Variants in SNTA1 observed in about 807,000 individuals in gnomAD.
The protein encoded by SNTA1 is alpha-1-syntrophin.
A neutral mutation model predicts 47.1 loss-of-function variants in SNTA1; 31 were observed. That is an observed-to-expected ratio of 0.66 (90% confidence interval 0.49 to 0.89). The LOEUF (loss-of-function observed/expected upper bound fraction) is 0.89. Ranked by LOEUF, SNTA1 falls within the 40% of genes least tolerant of loss-of-function variation. The probability of loss-of-function intolerance (pLI) is 0.00; values close to 1 mark genes in which losing one functional copy is unlikely to be tolerated. For synonymous variants in SNTA1, 300 were observed against 313.6 expected (o/e 0.96, Z 0.46); for missense variants, 575 against 693.0 (o/e 0.83, Z 1.91).
Position 33,408,464 on chromosome 20 carries a change from T to C in SNTA1, c.*43A>G. The C allele has an allele frequency of 7.2e-7, 1 of 1,393,838 alleles. No homozygotes were observed. The highest frequency in any genetic ancestry group is 1.0e-6 in the Non-Finnish European group (1 of 979,898). The allele number at this position is 1,393,838 out of a possible 1,614,324, so 86.3% of individuals were successfully genotyped here. On this transcript the variant is annotated 3_prime_UTR_variant, in exon 8 of 8. Transcript: ENST00000217381. ...GTCGGTGGAGGCCCAGCTCAGGCCA[T>C]GTCATGGACACCCCTCTTCAGGGCT...
intron 2 of SNTA1, among the ~76,000 whole-genome samples, chr20:33,429,339 A>G (rs1990240003): frequency 7.0e-6 from 1 of 142,588 alleles, no homozygotes; most frequent in South Asian, 2.3e-4. Context: ...CCACCTAAAA[A>G]AAAAAAAAAA....
intron 2 of SNTA1, among the ~76,000 whole-genome samples, chr20:33,418,151 C>T (rs1352907977): frequency 2.0e-5 from 3 of 151,876 alleles, no homozygotes; most frequent in African/African-American, 7.3e-5. Context: ...AGATAGGGCC[C>T]GCCTATATCC....
chr20:33,434,964 C>T (rs534107524), intron 2 of SNTA1, among the ~76,000 whole-genome samples: 2 of 141,342 alleles, frequency 1.4e-5, no homozygotes, highest in Admixed American at 1.5e-4. Context: ...GCAGAGCAGA[C>T]AGGATTTCAG....
At chr20:33,418,489 A>G (rs1253361373) in intron 2 of SNTA1, among the ~76,000 whole-genome samples, 1 of 152,012 alleles carries the variant, frequency 6.6e-6, no homozygotes, top group Non-Finnish European at 1.5e-5. Context: ...GTATACAAGA[A>G]GGTGGTTACA....
At chr20:33,421,354 G>A (rs1440452073) in intron 2 of SNTA1, among the ~76,000 whole-genome samples, 1 of 152,206 alleles carries the variant, frequency 6.6e-6, no homozygotes, top group African/African-American at 2.4e-5. Flanking sequence ...GCTCACGCCT[G>A]TAATCCCAGC....
rs1989708605 is a variant in SNTA1, at chr20:33,410,283, C to T, written c.1089G>A (p.Glu363=). Residue 363 remains glutamate, a synonymous_variant, in exon 6 of 8, where the codon GAG becomes GAA. Coordinates refer to ENST00000217381, the MANE Select transcript of SNTA1 (RefSeq NM_003098.3). ...TGCCCGTGCGCAGGGCAAAAGAGAGCTCTGCATCGTAGGGCACTGAGCCCT... is the reference window on the plus strand; with the variant it reads ...TGCCCGTGCGCAGGGCAAAAGAGAGTTCTGCATCGTAGGGCACTGAGCCCT... ...PSKGSVPYDA[E]LSFALRTGTR... is the part of the protein sequence containing the mutation. 3 of 1,611,752 alleles carry T rather than the reference C, an allele frequency of 1.9e-6. No homozygotes were observed. The highest frequency in any genetic ancestry group is 2.5e-6 in the Non-Finnish European group (3 of 1,179,530).
intron 2 of SNTA1, among the ~76,000 whole-genome samples, chr20:33,434,982 CTTTTTTTTT>C (rs11475592): frequency 1.8e-5 from 1 of 55,186 alleles, no homozygotes; most frequent in Non-Finnish European, 3.3e-5. Context: ...CAGGCACCAG[CTTTTTTTTT>C]TTTTTTTTTT....
intron 2 of SNTA1, among the ~76,000 whole-genome samples, chr20:33,421,141 C>A (rs1404626910): frequency 1.1e-5 from 1 of 88,678 alleles, no homozygotes; most frequent in Non-Finnish European, 2.9e-5. Flanking sequence ...CCATTGCACT[C>A]CAGTCTGGTA....
Position 33,443,488 on chromosome 20 carries a change from CG to C in SNTA1, c.132del (p.Ala45ProfsTer44), listed in dbSNP as rs1600868370. 7.3e-7 allele frequency: 1 copy of C among 1,376,944 alleles called. No individual in the cohort carries two copies. Among genetic ancestry groups the C allele is most frequent in the South Asian group, 1.6e-5 (1 of 63,308 alleles). The allele number at this position is 1,376,944 out of a possible 1,614,324, so 85.3% of individuals were successfully genotyped here. ...GGCTCGGGACCAGGGTCGCCGTCGGCGGGGCTCACGGTCAGCACGTCCTCCG... is the reference window on the plus strand; with the variant it reads ...GGCTCGGGACCAGGGTCGCCGTCGGCGGGCTCACGGTCAGCACGTCCTCCG... ...SLAEDVLTVS[P>X]ADGDPGPEPG... On this transcript the variant is annotated frameshift_variant, in exon 1 of 8. Transcript: ENST00000217381. LOFTEE classifies it high-confidence loss of function.
At chr20:33,424,324 AAAAG>A (rs1373668143) in intron 2 of SNTA1, among the ~76,000 whole-genome samples, 5 of 151,838 alleles carry the variant, frequency 3.3e-5, no homozygotes, top group East Asian at 3.9e-4. Context: ...CAAAAAAAAA[AAAAG>A]AAAGAAAGAA....
chr20:33,408,216 C>G lies in SNTA1; in HGVS notation c.*291G>C. ...GCTGGGGTCAGGATCCGCACAGGGG[C>G]AGGTCCCAGACTCGGAATGGCTTCT... On this transcript the variant is annotated 3_prime_UTR_variant, in exon 8 of 8. Coordinates refer to ENST00000217381, the MANE Select transcript of SNTA1 (RefSeq NM_003098.3). 1 of 453,772 alleles carries G rather than the reference C, an allele frequency of 2.2e-6. No individual in the cohort carries two copies. The highest frequency in any genetic ancestry group is 4.1e-6 in the Non-Finnish European group (1 of 243,056). The allele number at this position is 453,772 out of a possible 1,614,324, so 28.1% of individuals were successfully genotyped here.
rs1989710547 is a variant in SNTA1 at position 33,410,324 on chromosome 20, G to A, written c.1048C>T (p.His350Tyr). 6.2e-7 allele frequency: 1 copy of A among 1,602,016 alleles called. No homozygotes were observed. Among genetic ancestry groups the A allele is most frequent in the African/African-American group, 1.3e-5 (1 of 74,636 alleles). Reference sequence around the variant, plus strand: ...ACTGAGCCCTTGGAGGGGCCTGAGTGCACCAGTCTGGGGGTTGGGGGCAGA... The same window carrying A: ...ACTGAGCCCTTGGAGGGGCCTGAGTACACCAGTCTGGGGGTTGGGGGCAGA... ...TAPLIATRLV[H>Y]SGPSKGSVPY... The change falls in exon 6 of 8, where the codon CAC (histidine) becomes TAC (tyrosine). Residue 350 changes from histidine to tyrosine, a missense_variant. Physicochemically the swap from His to Tyr is moderately conservative, Grantham distance 83. Coordinates refer to ENST00000217381, the MANE Select transcript of SNTA1 (RefSeq NM_003098.3).
At chr20:33,433,409 C>T (rs1433244352) in intron 2 of SNTA1, among the ~76,000 whole-genome samples, 6 of 151,488 alleles carry the variant, frequency 4.0e-5, no homozygotes, top group Non-Finnish European at 8.8e-5. Flanking sequence ...GGATTACAGG[C>T]GCGTGTCACC....
intron 1 of SNTA1, among the ~76,000 whole-genome samples, chr20:33,443,000 T>G (rs943145901): frequency 2.0e-5 from 3 of 151,884 alleles, no homozygotes; most frequent in Admixed American, 2.0e-4. Flanking sequence ...GGGGGACCCC[T>G]CTTGTCCTTG....
At chr20:33,433,267 T>C (rs1223826353) in intron 2 of SNTA1, among the ~76,000 whole-genome samples, 9 of 149,858 alleles carry the variant, frequency 6.0e-5, no homozygotes, top group Non-Finnish European at 1.3e-4. Context: ...GTTTTTCTTT[T>C]TTCTTTTTTT....
chr20:33,409,269 AG>A (rs1176337716), intron 6 of SNTA1, among the ~76,000 whole-genome samples: 1 of 152,168 alleles, frequency 6.6e-6, no homozygotes, highest in Non-Finnish European at 1.5e-5. Context: ...CTGTGAAAAA[AG>A]TATTCATTGT....
intron 7 of SNTA1, 39 bp downstream of exon 7, chr20:33,408,662 C>A (rs1307847947): frequency 4.3e-6 from 7 of 1,610,430 alleles, no homozygotes; most frequent in Non-Finnish European, 5.1e-6. Context: ...GAGTGCACAC[C>A]CCCTCCTCCC....
chr20:33,428,669 G>A (rs1309716455), intron 2 of SNTA1, among the ~76,000 whole-genome samples: 1 of 151,804 alleles, frequency 6.6e-6, no homozygotes. Context: ...TTGAACTCCT[G>A]GGCTCAAGCA....
chr20:33,434,818 G>A (rs1021782693), intron 2 of SNTA1, among the ~76,000 whole-genome samples: 2 of 151,564 alleles, frequency 1.3e-5, no homozygotes, highest in African/African-American at 4.8e-5. Context: ...GATTACAGGC[G>A]TAAGCCACCA....
Sources: gnomAD v4.1 joint callset for allele counts (sites outside exome capture counted in the v4.1 genomes callset) on GRCh38, gnomAD v4.1.1 for gene constraint, MANE v1.5 for transcripts, NCBI Gene and HGNC (gene_info 2026-07-23, HGNC 2026-07-21) for gene names.